The following F12 variants were observed in gnomAD, a reference collection of about 807,000 sequenced individuals.
The protein encoded by F12 is Hageman factor.
A neutral mutation model predicts 74.8 loss-of-function variants in F12; 70 were observed. That is an observed-to-expected ratio of 0.94 (90% CI 0.77 to 1.14). The LOEUF (loss-of-function observed/expected upper bound fraction) is 1.14, where lower values mean the gene tolerates loss of function less well. Among genes scored for constraint, F12 ranks in the 50% most tolerant of loss-of-function variants. F12 has a pLI of 0.00. For missense variants in F12, 811 were observed against 835.7 expected, an observed-to-expected ratio of 0.97 and a Z score of 0.36; for synonymous variants, 373 against 356.4, an observed-to-expected ratio of 1.05 and a Z score of -0.52.
In F12 at chr5:177,404,485, C is replaced by G. The variant is rs771737414; in HGVS notation, c.800+14G>C. On this transcript the variant is annotated intron_variant, in intron 8 of 13. Coordinates refer to ENST00000253496, the MANE Select transcript of F12 (RefSeq NM_000505.4). ...CCCTGGGGCGGAGGGGTCACCCAGC[C>G]CCACGCGGCGCACCGGCAGAAGGCG... 5.0e-6 allele frequency: 8 copies of G among 1,590,842 alleles called. No homozygotes were observed. The highest frequency in any genetic ancestry group is 6.0e-6 in the Non-Finnish European group (7 of 1,169,244).
intron 7 of F12, 69 bp from the exon 8 acceptor site, chr5:177,404,733 G>T (rs1486213242): frequency 6.3e-7 from 1 of 1,596,398 alleles, no homozygotes; most frequent in East Asian, 2.3e-5. Flanking sequence ...TCTGCTTTCC[G>T]CACTCTCCCT....
intron 2 of F12, 24 bp from the exon 3 acceptor site, chr5:177,406,085 A>G: frequency 6.2e-7 from 1 of 1,601,720 alleles, no homozygotes; most frequent in Non-Finnish European, 8.6e-7. Flanking sequence ...ACACTCTCTG[A>G]GGACTTCCCC....
At chr5:177,403,789 G>A in intron 10 of F12, 70 bp downstream of exon 10, 2 of 1,460,258 alleles carry the variant, frequency 1.4e-6, no homozygotes, top group Non-Finnish European at 1.8e-6. Context: ...TTCGGGTGCA[G>A]CGTGGAAGCT....
chr5:177,407,693 G>T (rs1763322917), intron 2 of F12, among the ~76,000 whole-genome samples: 1 of 151,830 alleles, frequency 6.6e-6, no homozygotes, highest in Non-Finnish European at 1.5e-5. Flanking sequence ...GGCTGAGGCA[G>T]AGAATCGCTT....
At position 177,409,083 on chromosome 5, in the gene F12, G is replaced by T; in HGVS notation, c.78C>A (p.Pro26=). 6.4e-7 allele frequency: 1 copy of T among 1,551,688 alleles called. No individual in the cohort carries two copies. Among genetic ancestry groups the T allele is most frequent in the Non-Finnish European group, 8.7e-7 (1 of 1,147,048 alleles). ...CTTCAGCTTTGTACTTATGCTCCTT[G>T]GGGGCTTCCCAAGGTGGAATCTACA... The part of the protein sequence containing the change: ...STLSIPPWEA[P]KEHKYKAEEH... Residue 26 remains proline, a synonymous_variant, in exon 2 of 14, where the codon CCC becomes CCA. Coordinates refer to ENST00000253496, the MANE Select transcript of F12 (RefSeq NM_000505.4).
At chr5:177,403,777 G>C in intron 10 of F12, 82 bp downstream of exon 10, 1 of 1,456,736 alleles carries the variant, frequency 6.9e-7, no homozygotes, top group East Asian at 2.5e-5. Flanking sequence ...GTAGGGCACG[G>C]GTTCGGGTGC....
rs1763165107 is a variant in F12, at chr5:177,402,571, C to T, written c.1659G>A (p.Glu553=). Residue 553 remains glutamate (E), a synonymous_variant, in exon 13 of 14, where the codon GAG becomes GAA. Transcript: ENST00000253496. ...LPGMLCAGFL[E]GGTDACQGDS... ...TCACCTGGCACGCATCGGTGCCGCC[C>T]TCGAGGAACCCTGCGCAGAGCATGC... 6.2e-7 allele frequency: 1 copy of T among 1,612,380 alleles called. No individual in the cohort carries two copies. Among genetic ancestry groups the T allele is most frequent in the Non-Finnish European group, 8.5e-7 (1 of 1,179,724 alleles).
In F12 at chr5:177,405,998, T is replaced by C. The variant is rs199595550; in HGVS notation, c.179A>G (p.Lys60Arg). ...GCCTGGCCGGCCCTTGTGGGTACATTTGTGGTACAGCTGCCGGTGGTACTG... is the reference window on the plus strand; with the variant it reads ...GCCTGGCCGGCCCTTGTGGGTACATCTGTGGTACAGCTGCCGGTGGTACTG... ...PFQYHRQLYH[K>R]CTHKGRPGPQ... The change falls in exon 3 of 14, where the codon AAA becomes AGA. Residue 60 changes from lysine to arginine, a missense_variant. Lys to Arg is a conservative substitution (Grantham distance 26). Coordinates refer to ENST00000253496, the MANE Select transcript of F12 (RefSeq NM_000505.4). The C allele has an allele frequency of 2.5e-5, 41 of 1,614,056 alleles. No individual in the cohort carries two copies. In the Admixed American group the frequency reaches 5.2e-4, roughly 20 times the overall value.
intron 1 of F12, 41 bp from the exon 2 acceptor site, chr5:177,409,144 A>G: frequency 6.5e-7 from 1 of 1,534,910 alleles, no homozygotes; most frequent in Non-Finnish European, 8.8e-7. Flanking sequence ...ACTATAAGTC[A>G]TAGCCTGCCA....
intron 12 of F12, 199 bp from the exon 13 acceptor site, chr5:177,402,897 G>A: frequency 1.3e-6 from 1 of 784,666 alleles, no homozygotes; most frequent in Admixed American, 2.5e-5. Flanking sequence ...ATTTGAATGG[G>A]CGGAGCGGAA....
rs1763172495 is a variant in F12 at position 177,402,768 on chromosome 5, G to T, written c.1532-70C>A. On this transcript the variant is annotated intron_variant, in intron 12 of 13. Coordinates refer to ENST00000253496, the MANE Select transcript of F12 (RefSeq NM_000505.4). ...TGCCGCCCGGACGATGGACAAAGCT[G>T]CTCCAGGCGCTTGTAAACCCACTCA... 4 of 1,582,148 alleles carry T rather than the reference G, an allele frequency of 2.5e-6. 1 individual carries two copies. In the South Asian group the frequency reaches 4.6e-5, roughly 18 times the overall value.
intron 1 of F12, 92 bp downstream of exon 1, chr5:177,409,379 C>T: frequency 2.7e-6 from 4 of 1,461,300 alleles, no homozygotes; most frequent in Non-Finnish European, 2.9e-6. Context: ...GTCACCTGGA[C>T]CCACAGGTCA....
At chr5:177,404,940 C>G in intron 6 of F12, 26 bp from the exon 7 acceptor site, 1 of 1,588,968 alleles carries the variant, frequency 6.3e-7, no homozygotes, top group East Asian at 2.3e-5. Flanking sequence ...CAGTGAGCCA[C>G]CCCTGGGCCT....
intron 4 of F12, 108 bp from the exon 5 acceptor site, chr5:177,405,541 C>T (rs573113407): frequency 2.2e-6 from 3 of 1,338,432 alleles, no homozygotes; most frequent in Non-Finnish European, 3.1e-6. Flanking sequence ...CTCCAAGTTT[C>T]CAAGCTTGGT....
chr5:177,403,517 C>A lies in F12; in HGVS notation c.1351G>T (p.Glu451Ter). ...TLAVRSYRLH[E>*]AFSPVSYQHD... Reference sequence around the variant, plus strand: ...TGGTAGCTGACGGGCGAGAAGGCCTCGTGCAAGCGGTAGGAGCGCACGGCC... The same window carrying A: ...TGGTAGCTGACGGGCGAGAAGGCCTAGTGCAAGCGGTAGGAGCGCACGGCC... The change falls in exon 11 of 14, where the codon GAG (glutamate) becomes TAG (stop). Residue 451 changes from glutamate to a stop codon, truncating the protein, a stop_gained. Coordinates refer to ENST00000253496, the MANE Select transcript of F12 (RefSeq NM_000505.4). LOFTEE classifies it high-confidence loss of function. 1 of 1,581,224 alleles carries A rather than the reference C, an allele frequency of 6.3e-7. No homozygotes were observed. Among genetic ancestry groups the A allele is most frequent in the Non-Finnish European group, 8.6e-7 (1 of 1,167,430 alleles).
At chr5:177,402,775 G>A in intron 12 of F12, 77 bp from the exon 13 acceptor site, 3 of 1,576,622 alleles carry the variant, frequency 1.9e-6, no homozygotes, top group Non-Finnish European at 2.6e-6. Context: ...GCTGCTCCAG[G>A]CGCTTGTAAA....
At position 177,405,605 on chromosome 5, in the gene F12, C is replaced by G. The variant is rs1003774012; in HGVS notation, c.286+130G>C. ...TTCCCAGAACTCTCCCTCTGGACTTCCAAAGGGTATTGTGGAGGGAGAGAA... is the reference window on the plus strand; with the variant it reads ...TTCCCAGAACTCTCCCTCTGGACTTGCAAAGGGTATTGTGGAGGGAGAGAA... On this transcript the variant is annotated intron_variant, in intron 4 of 13. Coordinates refer to ENST00000253496, the MANE Select transcript of F12 (RefSeq NM_000505.4). 1.5e-5 allele frequency: 19 copies of G among 1,229,232 alleles called. No individual in the cohort carries two copies. The African/African-American group carries it at 1.9e-4, about 12-fold the overall frequency. The allele number at this position is 1,229,232 out of a possible 1,614,324, so 76.1% of individuals were successfully genotyped here.
At chr5:177,402,982 GC>G (rs1763178127) in intron 12 of F12, 1 of 666,602 alleles carries the variant, frequency 1.5e-6, no homozygotes, top group South Asian at 1.9e-5. Flanking sequence ...CGCGGGGCCA[GC>G]GTCCTAGTTG....
In F12 at chr5:177,404,825, C is replaced by A. The variant is rs17876030; in HGVS notation, c.619G>T (p.Ala207Ser). The change falls in exon 7 of 14, where the codon GCC (alanine) becomes TCC (serine). Residue 207 changes from alanine (A) to serine (S), a missense_variant. Transcript: ENST00000253496. ...CCTCACTCACCCACGTCGCAGAAGG[C>A]TCCGGTGTAGCCCACCGGGCAGTGG... ...LCHCPVGYTGAFCDVDTKASC... is the reference protein window; with the variant it reads ...LCHCPVGYTGSFCDVDTKASC... The A allele has an allele frequency of 3.7e-6, 6 of 1,607,286 alleles. No individual in the cohort carries two copies. In the Admixed American group the frequency reaches 5.1e-5, roughly 14 times the overall value.
Sources: allele counts gnomAD v4.1 joint callset (sites outside exome capture counted in the v4.1 genomes callset), GRCh38; gene constraint gnomAD v4.1.1; transcripts MANE v1.5; gene names NCBI Gene and HGNC (gene_info 2026-07-23, HGNC 2026-07-21).